Variants in ROBO2 observed in about 807,000 individuals in gnomAD.
ROBO2 encodes the protein roundabout homolog 2.
ROBO2 carries 53 observed loss-of-function variants against 160.8 expected under a neutral mutation model. The ratio of observed to expected loss-of-function variants is 0.33; its 90% confidence interval spans 0.26 to 0.41. The LOEUF is 0.41. Ranked by LOEUF, ROBO2 falls within the 10% of genes least tolerant of loss-of-function variation. The pLI is 1.00. For synonymous variants in ROBO2, 664 were observed against 611.7 expected (o/e 1.09, Z -1.26); for missense variants, 1,577 against 1,722.4 (o/e 0.92, Z 1.49).
At position 77,462,113 on chromosome 3, in the gene ROBO2, G is replaced by A. The variant is rs552493802; in HGVS notation, c.389-15301G>A. 1.4e-4 allele frequency among the ~76,000 whole-genome samples: 21 copies of A among 152,238 alleles called. 1 individual carries two copies. The highest frequency in any genetic ancestry group is 4.1e-4 in the African/African-American group (17 of 41,524). On this transcript the variant is annotated intron_variant, in intron 2 of 25. Transcript: ENST00000461745. ...CTTTTTATAAAATTGATAATTTTGG[G>A]TAATAATTGATATTTTAGGTTCTAT...
intron 2 of ROBO2, among the ~76,000 whole-genome samples, chr3:76,612,723 A>C (rs2088231196): frequency 6.6e-6 from 1 of 152,132 alleles, no homozygotes; most frequent in Admixed American, 6.5e-5. Context: ...TAAAAATAAT[A>C]ATAATAATAT....
chr3:76,998,217 G>A (rs548133866), intron 2 of ROBO2, among the ~76,000 whole-genome samples: 3 of 152,200 alleles, frequency 2.0e-5, no homozygotes, highest in Admixed American at 2.0e-4. Flanking sequence ...TACTTTTGGA[G>A]GACAAATTGA....
chr3:76,228,615 A>G (rs927554383), intron 2 of ROBO2, among the ~76,000 whole-genome samples: 2 of 152,216 alleles, frequency 1.3e-5, no homozygotes, highest in African/African-American at 4.8e-5. Context: ...GTTGCAAATC[A>G]GAATTTTCAT....
chr3:76,335,022 T>C (rs571338080), intron 2 of ROBO2, among the ~76,000 whole-genome samples: 20 of 152,026 alleles, frequency 1.3e-4, no homozygotes, highest in Non-Finnish European at 2.5e-4. Context: ...TCTGTGACTT[T>C]GCTTTAAAAA....
chr3:77,124,239 G>A (rs769729956), intron 2 of ROBO2, among the ~76,000 whole-genome samples: 2 of 152,054 alleles, frequency 1.3e-5, no homozygotes, highest in Non-Finnish European at 2.9e-5. Context: ...AGGTGATGAA[G>A]CCTCCTTCTT....
At chr3:77,272,157 A>C (rs925568609) in intron 2 of ROBO2, among the ~76,000 whole-genome samples, 1 of 152,220 alleles carries the variant, frequency 6.6e-6, no homozygotes, top group African/African-American at 2.4e-5. Context: ...TGATATTTTA[A>C]ATTGATGAAC....
At chr3:77,117,837 G>A (rs1050009659) in intron 2 of ROBO2, among the ~76,000 whole-genome samples, 1 of 152,078 alleles carries the variant, frequency 6.6e-6, no homozygotes, top group African/African-American at 2.4e-5. Context: ...TAATATTTAT[G>A]TGTGCTGTCA....
chr3:77,389,621 C>T (rs1273343476), intron 2 of ROBO2, among the ~76,000 whole-genome samples: 1 of 151,920 alleles, frequency 6.6e-6, no homozygotes, highest in East Asian at 1.9e-4. Flanking sequence ...TTTACTTTAT[C>T]TTCTTTCCTT....
chr3:75,958,131 A>G (rs1458663426), intron 2 of ROBO2, among the ~76,000 whole-genome samples: 6 of 151,798 alleles, frequency 4.0e-5, no homozygotes, highest in African/African-American at 7.2e-5. Flanking sequence ...ACCTTGTTTC[A>G]TCTTAGAATT....
intron 2 of ROBO2, among the ~76,000 whole-genome samples, chr3:77,306,827 C>T (rs534908892): frequency 6.6e-6 from 1 of 152,032 alleles, no homozygotes; most frequent in South Asian, 2.1e-4. Flanking sequence ...CAATCATTCA[C>T]CCCAACATTT....
At chr3:76,150,576 C>A (rs999544053) in intron 2 of ROBO2, among the ~76,000 whole-genome samples, 3 of 152,168 alleles carry the variant, frequency 2.0e-5, no homozygotes, top group African/African-American at 7.2e-5. Context: ...ACCTCAGGGC[C>A]TTTATAGTTG....
At chr3:76,958,380 A>T (rs2079428004) in intron 2 of ROBO2, among the ~76,000 whole-genome samples, 1 of 152,194 alleles carries the variant, frequency 6.6e-6, no homozygotes, top group Admixed American at 6.5e-5. Flanking sequence ...TGTGATTTTT[A>T]TCTGTCTGCT....
intron 1 of ROBO2, among the ~76,000 whole-genome samples, chr3:75,922,371 T>G (rs979494558): frequency 6.6e-6 from 1 of 151,996 alleles, no homozygotes; most frequent in Non-Finnish European, 1.5e-5. Context: ...TAACAGAAAA[T>G]TTTTTAAAAA....
intron 2 of ROBO2, among the ~76,000 whole-genome samples, chr3:76,084,176 C>T (rs2068930201): frequency 6.6e-6 from 1 of 151,836 alleles, no homozygotes. Context: ...AAGTAGAAGC[C>T]AAATATGTAG....
rs111507901 is a variant in ROBO2 at position 76,706,418 on chromosome 3, A to G, written c.110-391596A>G. Among the ~76,000 whole-genome samples, 405 of 152,088 alleles carry G rather than the reference A, an allele frequency of 2.7e-3. 4 individuals are homozygous for G. The highest frequency in any genetic ancestry group is 3.9e-3 in the Non-Finnish European group (262 of 67,960). ...AAAATTCAAAAGTGAAAATGTTATC[A>G]TATTTTGACTTTTGAGGTTGGAAAG... On this transcript the variant is annotated intron_variant, in intron 2 of 26. Transcript: ENST00000487694.
chr3:76,997,351 T>G (rs2149400768), intron 2 of ROBO2, among the ~76,000 whole-genome samples: 1 of 152,300 alleles, frequency 6.6e-6, no homozygotes, highest in African/African-American at 2.4e-5. Context: ...ATTTCTCCTA[T>G]TATTATATTT....
intron 2 of ROBO2, among the ~76,000 whole-genome samples, chr3:76,321,445 G>A (rs1323071421): frequency 6.6e-6 from 1 of 152,136 alleles, no homozygotes; most frequent in African/African-American, 2.4e-5. Flanking sequence ...GGAAGTTGCA[G>A]TAAGATCATG....
chr3:76,027,967 G>A (rs567292278), intron 2 of ROBO2, among the ~76,000 whole-genome samples: 2 of 151,998 alleles, frequency 1.3e-5, no homozygotes, highest in East Asian at 3.9e-4. Context: ...ATCAATCAAA[G>A]CCAAGGAGCC....
At chr3:76,065,097 T>C (rs1220782468) in intron 2 of ROBO2, among the ~76,000 whole-genome samples, 1 of 152,038 alleles carries the variant, frequency 6.6e-6, no homozygotes, top group African/African-American at 2.4e-5. Flanking sequence ...AAAAATATAA[T>C]AGCATAAAAA....
Sources: gnomAD v4.1 joint callset for allele counts (sites outside exome capture counted in the v4.1 genomes callset) on GRCh38, gnomAD v4.1.1 for gene constraint, MANE v1.5 for transcripts, NCBI Gene and HGNC (gene_info 2026-07-23, HGNC 2026-07-21) for gene names.